LRIG1: variants seen among roughly 807,000 people sequenced by gnomAD.
The protein encoded by LRIG1 is leucine-rich repeats and immunoglobulin-like domains protein 1.
A neutral mutation model predicts 99.2 loss-of-function variants in LRIG1; 48 were observed. That is an observed-to-expected ratio of 0.48 (90% CI 0.38 to 0.62). The LOEUF is 0.62. Ranked by LOEUF, LRIG1 falls within the 20% of genes least tolerant of loss-of-function variation. The pLI is 0.00. For missense variants in LRIG1, 1,646 were observed against 1,434.4 expected (o/e 1.15, Z -2.38); for synonymous variants, 772 against 596.1 (o/e 1.29, Z -4.30).
intron 3 of LRIG1, among the ~76,000 whole-genome samples, chr3:66,430,524 G>A (rs754659236): frequency 6.6e-6 from 1 of 152,066 alleles, no homozygotes; most frequent in African/African-American, 2.4e-5. Flanking sequence ...CCATCCACAC[G>A]CCTCCCCTGG....
At chr3:66,435,276 G>A (rs1278302041) in intron 3 of LRIG1, among the ~76,000 whole-genome samples, 1 of 152,036 alleles carries the variant, frequency 6.6e-6, no homozygotes. Flanking sequence ...CAACCAGGGG[G>A]GGCTAGGCAT....
In LRIG1 at chr3:66,394,216, C is replaced by T; in HGVS notation, c.1305-13G>A. On this transcript the variant is annotated splice_polypyrimidine_tract_variant and intron_variant, in intron 11 of 18. Coordinates refer to ENST00000273261, the MANE Select transcript of LRIG1 (RefSeq NM_015541.3). ...GCTGCTGATATGGCTGAAAGAAACACAACAGTGGATGCTTCAGGTGCAGCC... is the reference window on the plus strand; with the variant it reads ...GCTGCTGATATGGCTGAAAGAAACATAACAGTGGATGCTTCAGGTGCAGCC... 3 of 1,569,308 alleles carry T rather than the reference C, an allele frequency of 1.9e-6. No individual in the cohort carries two copies. The highest frequency in any genetic ancestry group is 2.6e-6 in the Non-Finnish European group (3 of 1,159,626).
At position 66,383,217 on chromosome 3, in the gene LRIG1, G is replaced by A. The variant is rs373315537; in HGVS notation, c.2256C>T (p.Asn752=). Residue 752 remains asparagine (N), a synonymous_variant, in exon 15 of 19, where the codon AAC becomes AAT. Coordinates refer to ENST00000273261, the MANE Select transcript of LRIG1 (RefSeq NM_015541.3). Reference sequence around the variant, plus strand: ...ATCGGCCCGCATCCTCTGCCACCACGTTCTGAACCACCAGGAGCTGGTTGT... The same window carrying A: ...ATCGGCCCGCATCCTCTGCCACCACATTCTGAACCACCAGGAGCTGGTTGT... ...TPDNQLLVVQ[N]VVAEDAGRYT... is the part of the protein sequence containing the mutation. The A allele has an allele frequency of 6.4e-5, 103 of 1,614,220 alleles. No individual in the cohort carries two copies. The highest frequency in any genetic ancestry group is 7.5e-5 in the Non-Finnish European group (88 of 1,180,044).
At chr3:66,442,148 T>C (rs1472892139) in intron 3 of LRIG1, among the ~76,000 whole-genome samples, 1 of 152,216 alleles carries the variant, frequency 6.6e-6, no homozygotes, top group South Asian at 2.1e-4. Context: ...AACTATTCTA[T>C]CTTTAAAAAC....
chr3:66,417,108 T>C, intron 4 of LRIG1, 21 bp downstream of exon 4: 1 of 1,612,188 alleles, frequency 6.2e-7, no homozygotes, highest in Non-Finnish European at 8.5e-7. Flanking sequence ...CAGCCACAGG[T>C]GGCAGAACAG....
Position 66,380,080 on chromosome 3 carries a change from TG to T in LRIG1, c.*182del. ...GATATCAAATACTTTTTTTGCCTTT[TG>T]TACACAAATCCCCTCTTGCGTTTAC... is the stretch of plus-strand genomic sequence containing the variant. On this transcript the variant is annotated 3_prime_UTR_variant, in exon 19 of 19. Coordinates refer to ENST00000273261, the MANE Select transcript of LRIG1 (RefSeq NM_015541.3). 1 of 538,086 alleles carries T rather than the reference TG, an allele frequency of 1.9e-6. No homozygotes were observed. The highest frequency in any genetic ancestry group is 3.3e-6 in the Non-Finnish European group (1 of 306,698). 33.3% of individuals were successfully genotyped at this position (538,086 alleles called of 1,614,324 possible).
chr3:66,385,528 C>T (rs1701330833), intron 13 of LRIG1, among the ~76,000 whole-genome samples: 1 of 152,118 alleles, frequency 6.6e-6, no homozygotes, highest in Non-Finnish European at 1.5e-5. Flanking sequence ...TCTCGGCTCA[C>T]TGCAACGTCC....
intron 1 of LRIG1, among the ~76,000 whole-genome samples, chr3:66,488,610 C>T (rs1701029407): frequency 6.6e-6 from 1 of 152,146 alleles, no homozygotes; most frequent in African/African-American, 2.4e-5. Context: ...GCACGCCAAC[C>T]TGGGCGACAG....
chr3:66,382,452 G>C (rs986785273), intron 15 of LRIG1, 54 bp from the exon 16 acceptor site: 28 of 1,606,172 alleles, frequency 1.7e-5, no homozygotes, highest in Non-Finnish European at 2.1e-5. Flanking sequence ...AAGAAATGCA[G>C]ACACACGTTC....
chr3:66,468,047 T>C (rs2106856818), intron 1 of LRIG1, among the ~76,000 whole-genome samples: 1 of 152,286 alleles, frequency 6.6e-6, no homozygotes, highest in Non-Finnish European at 1.5e-5. Context: ...TAATAAAAAC[T>C]GCCCTCAGAG....
At chr3:66,472,309 A>C (rs1192157490) in intron 1 of LRIG1, among the ~76,000 whole-genome samples, 2 of 10,626 alleles carry the variant, frequency 1.9e-4, no homozygotes, top group Non-Finnish European at 2.8e-3. Flanking sequence ...GTCTCAAAAA[A>C]AAAAAAAAAA....
chr3:66,460,218 G>A (rs1029173447), intron 2 of LRIG1, among the ~76,000 whole-genome samples: 2 of 152,178 alleles, frequency 1.3e-5, no homozygotes, highest in Non-Finnish European at 2.9e-5. Context: ...AATGATGCTA[G>A]AGGGAATTCT....
chr3:66,465,519 A>G (rs1310258116), intron 1 of LRIG1, among the ~76,000 whole-genome samples: 1 of 151,678 alleles, frequency 6.6e-6, no homozygotes, highest in East Asian at 1.9e-4. Flanking sequence ...GCCTGCCACC[A>G]TGCCCGGCTA....
chr3:66,431,627 G>T (rs967943892), intron 3 of LRIG1, among the ~76,000 whole-genome samples: 9 of 152,214 alleles, frequency 5.9e-5, no homozygotes, highest in Admixed American at 2.0e-4. Context: ...TCACCCAGGA[G>T]TCCAAGACCA....
At chr3:66,428,082 A>G (rs916654622) in intron 3 of LRIG1, among the ~76,000 whole-genome samples, 5 of 152,216 alleles carry the variant, frequency 3.3e-5, no homozygotes, top group African/African-American at 9.7e-5. Context: ...TGCAAAAATC[A>G]CAGCTATGAA....
intron 8 of LRIG1, among the ~76,000 whole-genome samples, chr3:66,405,532 A>G (rs893543827): frequency 1.3e-5 from 2 of 152,150 alleles, no homozygotes; most frequent in Non-Finnish European, 2.9e-5. Flanking sequence ...CGGAGGCCAC[A>G]CTCAAGGGAA....
At chr3:66,483,832 G>A (rs1441009099) in intron 1 of LRIG1, among the ~76,000 whole-genome samples, 4 of 152,216 alleles carry the variant, frequency 2.6e-5, no homozygotes, top group Non-Finnish European at 5.9e-5. Flanking sequence ...CAACACAGAG[G>A]AGAGCGCCTG....
Position 66,394,886 on chromosome 3 carries a change from T to G in LRIG1, c.1305-683A>C, listed in dbSNP as rs547475380. 9.8e-5 allele frequency among the ~76,000 whole-genome samples: 15 copies of G among 152,334 alleles called. No individual in the cohort carries two copies. In the South Asian group the frequency reaches 3.1e-3, roughly 32 times the overall value. On this transcript the variant is annotated intron_variant, in intron 11 of 18. Coordinates refer to ENST00000273261, the MANE Select transcript of LRIG1 (RefSeq NM_015541.3). ...GCAGAATTCGGCTCTGCTCCCTAAA[T>G]AGTGCTTGTTAGTTAATTGCCACTG...
intron 3 of LRIG1, among the ~76,000 whole-genome samples, chr3:66,451,344 A>C (rs770992621): frequency 1.3e-5 from 2 of 151,928 alleles, no homozygotes; most frequent in African/African-American, 2.4e-5. Context: ...ACTTTCTTGC[A>C]AATTAAAGAT....
Sources: allele counts gnomAD v4.1 joint callset (sites outside exome capture counted in the v4.1 genomes callset), GRCh38; gene constraint gnomAD v4.1.1; transcripts MANE v1.5; gene names NCBI Gene and HGNC (gene_info 2026-07-23, HGNC 2026-07-21).